ARHGAP6: variants seen among roughly 807,000 people sequenced by gnomAD.
ARHGAP6 encodes rho GTPase-activating protein 6.
A neutral mutation model predicts 55.7 loss-of-function variants in ARHGAP6; 16 were observed. That is an observed-to-expected ratio of 0.29 (90% CI 0.19 to 0.44). The LOEUF (loss-of-function observed/expected upper bound fraction) is 0.44, where lower values mean the gene tolerates loss of function less well. Ranked by LOEUF, ARHGAP6 falls within the 20% of genes least tolerant of loss-of-function variation. The pLI, the probability that ARHGAP6 is intolerant of heterozygous loss-of-function variation, is 1.00. For missense variants in ARHGAP6, 698 were observed against 808.9 expected, an observed-to-expected ratio of 0.86 and a Z score of 1.66; for synonymous variants, 382 against 360.9, an observed-to-expected ratio of 1.06 and a Z score of -0.66.
chrX:11,464,993 C>T (rs2050279680), intron 1 of ARHGAP6, among the ~76,000 whole-genome samples: 1 of 111,812 alleles, frequency 8.9e-6, no homozygotes, highest in Non-Finnish European at 1.9e-5. Flanking sequence ...TGTTATCTTT[C>T]AGCTTTCTTA....
chrX:11,363,807 T>C (rs1228498534), intron 1 of ARHGAP6, among the ~76,000 whole-genome samples: 3 of 112,256 alleles, frequency 2.7e-5, no homozygotes, highest in East Asian at 5.6e-4. Context: ...TCTCAAAGCA[T>C]TTAAAACAGA....
intron 1 of ARHGAP6, among the ~76,000 whole-genome samples, chrX:11,256,501 T>C (rs928892655): frequency 8.9e-6 from 1 of 112,216 alleles, no homozygotes; most frequent in African/African-American, 3.2e-5. Context: ...TCCTGTCTAG[T>C]GTATTCATTC....
intron 1 of ARHGAP6, among the ~76,000 whole-genome samples, chrX:11,301,441 C>T (rs1404000639): frequency 9.0e-6 from 1 of 111,583 alleles, no homozygotes; most frequent in African/African-American, 3.3e-5. Flanking sequence ...ATATTTGAAT[C>T]CTTTTTTCTT....
chrX:11,537,845 G>C (rs1435170854), intron 1 of ARHGAP6, among the ~76,000 whole-genome samples: 1 of 111,005 alleles, frequency 9.0e-6, no homozygotes, highest in African/African-American at 3.3e-5. Flanking sequence ...TGTGGTCTCT[G>C]GAAAACTCTT....
intron 1 of ARHGAP6, among the ~76,000 whole-genome samples, chrX:11,410,805 A>C (rs970277700): frequency 9.0e-6 from 1 of 110,895 alleles, no homozygotes; most frequent in African/African-American, 3.3e-5. Context: ...ACTGATTGCT[A>C]TGAGACTAAA....
At chrX:11,437,267 A>C (rs1214289676) in intron 1 of ARHGAP6, among the ~76,000 whole-genome samples, 1 of 112,289 alleles carries the variant, frequency 8.9e-6, no homozygotes, top group African/African-American at 3.2e-5. Context: ...TTCAAACTCT[A>C]AAATGTAACA....
intron 1 of ARHGAP6, among the ~76,000 whole-genome samples, chrX:11,402,003 A>T (rs1237457503): frequency 8.9e-6 from 1 of 111,866 alleles, no homozygotes; most frequent in Non-Finnish European, 1.9e-5. Context: ...CTGTCCAATA[A>T]CTTTATGTAC....
chrX:11,475,560 TAC>T (rs199969639), intron 1 of ARHGAP6, among the ~76,000 whole-genome samples: 12,083 of 95,653 alleles, frequency 0.13, 1,121 homozygotes, highest in African/African-American at 0.31. Context: ...TTAAAGAAAC[TAC>T]ACACACACAC....
chrX:11,152,659 T>C (rs1413325819), intron 10 of ARHGAP6, among the ~76,000 whole-genome samples: 1 of 111,927 alleles, frequency 8.9e-6, no homozygotes, highest in East Asian at 2.8e-4. Context: ...TCACACCTCT[T>C]TTCCTTCTCC....
chrX:11,408,489 C>T (rs896047741), intron 1 of ARHGAP6, among the ~76,000 whole-genome samples: 19 of 111,400 alleles, frequency 1.7e-4, no homozygotes, highest in African/African-American at 5.9e-4. Flanking sequence ...TAGCCACAAG[C>T]AGCTTATAAG....
intron 1 of ARHGAP6, among the ~76,000 whole-genome samples, chrX:11,326,701 C>A (rs775710558): frequency 1.8e-3 from 202 of 111,589 alleles, no homozygotes; most frequent in Non-Finnish European, 3.3e-3. Flanking sequence ...GCTTAGGAGG[C>A]ACTATTAAAA....
intron 1 of ARHGAP6, among the ~76,000 whole-genome samples, chrX:11,567,209 A>G (rs7885992): frequency 0.11 from 11,861 of 111,094 alleles, 732 homozygotes; most frequent in African/African-American, 0.21. Context: ...TTCTCCTACA[A>G]GTGGAGTCTG....
intron 1 of ARHGAP6, among the ~76,000 whole-genome samples, chrX:11,461,470 G>A (rs1343960960): frequency 9.0e-6 from 1 of 111,700 alleles, no homozygotes; most frequent in Non-Finnish European, 1.9e-5. Flanking sequence ...ACACAAAGGG[G>A]GGAGCTATCT....
At chrX:11,464,944 A>G (rs1423603846) in intron 1 of ARHGAP6, among the ~76,000 whole-genome samples, 1 of 111,777 alleles carries the variant, frequency 8.9e-6, no homozygotes, top group Non-Finnish European at 1.9e-5. Flanking sequence ...GCCTAGAACA[A>G]TCTTCTGACT....
At chrX:11,528,434 T>C (rs2051013427) in intron 1 of ARHGAP6, among the ~76,000 whole-genome samples, 1 of 111,935 alleles carries the variant, frequency 8.9e-6, no homozygotes, top group Non-Finnish European at 1.9e-5. Flanking sequence ...TACTTCTGAT[T>C]TAGCCCAGAT....
chrX:11,232,316 AAAGC>A (rs1457953145), intron 2 of ARHGAP6, among the ~76,000 whole-genome samples: 10 of 111,649 alleles, frequency 9.0e-5, no homozygotes, highest in African/African-American at 3.3e-4. Context: ...CCAGGAATGA[AAAGC>A]AAGTAAATGG....
At chrX:11,394,264 G>T (rs1327463588) in intron 1 of ARHGAP6, among the ~76,000 whole-genome samples, 3 of 111,912 alleles carry the variant, frequency 2.7e-5, no homozygotes, top group Non-Finnish European at 5.6e-5. Context: ...CTGAGTGAAA[G>T]AAGTCAATCA....
At chrX:11,403,008 A>G (rs1365283553) in intron 1 of ARHGAP6, among the ~76,000 whole-genome samples, 1 of 112,386 alleles carries the variant, frequency 8.9e-6, no homozygotes, top group Non-Finnish European at 1.9e-5. Flanking sequence ...AACAGGTGTC[A>G]TTGAAAACAA....
At chrX:11,412,203 C>T (rs2049696774) in intron 1 of ARHGAP6, among the ~76,000 whole-genome samples, 1 of 111,867 alleles carries the variant, frequency 8.9e-6, no homozygotes, top group Non-Finnish European at 1.9e-5. Context: ...CCATAATATA[C>T]ATTTTAAAGT....
Sources: gnomAD v4.1 joint callset for allele counts (sites outside exome capture counted in the v4.1 genomes callset) on GRCh38, gnomAD v4.1.1 for gene constraint, MANE v1.5 for transcripts, NCBI Gene and HGNC (gene_info 2026-07-23, HGNC 2026-07-21) for gene names.